Variants in DCDC1 observed in about 807,000 individuals in gnomAD.
DCDC1 encodes the protein doublecortin domain containing 1.
Under a neutral mutation model 178.3 loss-of-function variants are expected in DCDC1, and 200 were observed. That is an observed-to-expected ratio of 1.12 (90% CI 1.00 to 1.26). The LOEUF is 1.26. DCDC1 is among the 50% of genes most tolerant of loss of function. DCDC1 has a pLI of 0.00. For missense variants in DCDC1, 1,983 were observed against 1,749.2 expected (o/e 1.13, Z -2.38); for synonymous variants, 690 against 604.8 (o/e 1.14, Z -2.07).
intron 7 of DCDC1, among the ~76,000 whole-genome samples, chr11:31,280,064 G>A (rs1212232301): frequency 1.3e-5 from 2 of 152,070 alleles, no homozygotes; most frequent in Non-Finnish European, 2.9e-5. Flanking sequence ...TCTATAAAAT[G>A]TGAGAAGTGT....
intron 11 of DCDC1, among the ~76,000 whole-genome samples, chr11:31,117,522 A>C (rs554498658): frequency 1.8e-4 from 28 of 152,184 alleles, no homozygotes; most frequent in Admixed American, 1.5e-3. Context: ...GAGCAGAGGA[A>C]GGGCCAAAGG....
At chr11:31,303,935 C>T (rs1490770809) in intron 6 of DCDC1, among the ~76,000 whole-genome samples, 1 of 152,134 alleles carries the variant, frequency 6.6e-6, no homozygotes, top group East Asian at 1.9e-4. Flanking sequence ...GTTAAGCTTG[C>T]TGATCCAGCA....
intron 2 of DCDC1, among the ~76,000 whole-genome samples, chr11:31,331,655 G>A (rs1486185992): frequency 6.6e-6 from 1 of 152,084 alleles, no homozygotes; most frequent in Non-Finnish European, 1.5e-5. Flanking sequence ...TTTGTCTTTG[G>A]TTCTGTTTAT....
rs576452117 is a variant in DCDC1, at chr11:30,925,728, C to T, written c.2898-320G>A. Among the ~76,000 whole-genome samples the T allele has an allele frequency of 2.6e-5, 4 of 152,292 alleles. No homozygotes were observed. In the South Asian group the frequency reaches 8.3e-4, roughly 32 times the overall value. Reference sequence around the variant, plus strand: ...GACCAATAAATAGCTAGACACACTGCTATTGACTTTTAGTTCCTTGGTATG... The same window carrying T: ...GACCAATAAATAGCTAGACACACTGTTATTGACTTTTAGTTCCTTGGTATG... On this transcript the variant is annotated intron_variant, in intron 22 of 38. Transcript: ENST00000684477.
At position 31,329,106 on chromosome 11, in the gene DCDC1, T is replaced by C. The variant is rs551515177; in HGVS notation, c.-6-820A>G. On this transcript the variant is annotated intron_variant, in intron 2 of 38. Coordinates refer to ENST00000684477, the MANE Select transcript of DCDC1 (RefSeq NM_001387274.1). Reference sequence around the variant, plus strand: ...GCTAGCCAATCAAAATGCCCTATTCTCCCACATACAGAGATTGGTAAATCA... The same window carrying C: ...GCTAGCCAATCAAAATGCCCTATTCCCCCACATACAGAGATTGGTAAATCA... 3.9e-5 allele frequency among the ~76,000 whole-genome samples: 6 copies of C among 152,092 alleles called. No individual in the cohort carries two copies. In the East Asian group the frequency reaches 1.2e-3, roughly 29 times the overall value.
chr11:31,203,356 C>A (rs916642119), intron 9 of DCDC1, among the ~76,000 whole-genome samples: 1 of 152,058 alleles, frequency 6.6e-6, no homozygotes, highest in South Asian at 2.1e-4. Flanking sequence ...CCAGTCACCC[C>A]CTAGAACTGA....
chr11:30,994,975 A>G (rs909052833), intron 20 of DCDC1, among the ~76,000 whole-genome samples: 23 of 151,572 alleles, frequency 1.5e-4, no homozygotes, highest in Admixed American at 1.4e-3. Context: ...CAGGCTGGGA[A>G]GAAAGAAATA....
At chr11:31,153,801 C>CACACACACACACACACACAA (rs1965431428) in intron 9 of DCDC1, among the ~76,000 whole-genome samples, 1 of 149,352 alleles carries the variant, frequency 6.7e-6, no homozygotes, top group South Asian at 2.1e-4. Flanking sequence ...CACACACACA[C>CACACACACACACACACACAA]ACACACACAC....
intron 38 of DCDC1, among the ~76,000 whole-genome samples, chr11:30,867,440 C>A (rs1941098063): frequency 6.6e-6 from 1 of 152,200 alleles, no homozygotes; most frequent in South Asian, 2.1e-4. Flanking sequence ...ATGAGACAGA[C>A]AACATTTATG....
rs977886128 is a variant in DCDC1 at position 31,265,533 on chromosome 11, C to G, written c.1028G>C (p.Gly343Ala). The change falls in exon 8 of 39, where the codon GGC becomes GCC. Residue 343 changes from glycine to alanine, a missense_variant. Gly to Ala is a moderately conservative substitution (Grantham distance 60). Coordinates refer to ENST00000684477, the MANE Select transcript of DCDC1 (RefSeq NM_001387274.1). ...LPARYFYDLY[G>A]RKIEDISKVP... ...TTTTGAAATATCTTCAATTTTTCTG[C>G]CATACAAATCATAAAAATATCTGGC... The G allele has an allele frequency of 7.0e-7, 1 of 1,437,020 alleles. No homozygotes were observed. The highest frequency in any genetic ancestry group is 9.2e-7 in the Non-Finnish European group (1 of 1,087,602). The allele number at this position is 1,437,020 out of a possible 1,614,324, so 89.0% of individuals were successfully genotyped here. A position where few individuals can be genotyped will look rare whatever the true frequency, so the allele number is the denominator to read the frequency against.
chr11:31,072,721 C>T (rs1396372776), intron 18 of DCDC1, among the ~76,000 whole-genome samples: 2 of 152,158 alleles, frequency 1.3e-5, no homozygotes, highest in Non-Finnish European at 2.9e-5. Context: ...AAAGACTTAT[C>T]CAAGTAAAAA....
At chr11:31,251,938 G>T (rs1048123237) in intron 8 of DCDC1, among the ~76,000 whole-genome samples, 1 of 152,014 alleles carries the variant, frequency 6.6e-6, no homozygotes, top group African/African-American at 2.4e-5. Context: ...AGAGAAGTTG[G>T]GAATGAAGAA....
At chr11:31,353,290 T>C (rs1386935388) in intron 1 of DCDC1, among the ~76,000 whole-genome samples, 1 of 152,228 alleles carries the variant, frequency 6.6e-6, no homozygotes. Context: ...TTTTTCTATA[T>C]CTGAGCTAAC....
At chr11:31,046,792 G>GA (rs1379536460) in intron 20 of DCDC1, among the ~76,000 whole-genome samples, 1 of 151,984 alleles carries the variant, frequency 6.6e-6, no homozygotes, top group African/African-American at 2.4e-5. Context: ...TTTCTGTTAA[G>GA]ATATGACACA....
intron 20 of DCDC1, among the ~76,000 whole-genome samples, chr11:31,055,645 T>C (rs1050670368): frequency 6.6e-6 from 1 of 152,210 alleles, no homozygotes; most frequent in Non-Finnish European, 1.5e-5. Flanking sequence ...CTTTGGTTTA[T>C]TTATATGATG....
intron 20 of DCDC1, among the ~76,000 whole-genome samples, chr11:30,970,104 G>A (rs1949695301): frequency 6.6e-6 from 1 of 152,216 alleles, no homozygotes; most frequent in African/African-American, 2.4e-5. Context: ...AGGATCCCCA[G>A]TGTGGGGAAA....
chr11:31,233,274 T>C (rs1301655740), intron 9 of DCDC1, among the ~76,000 whole-genome samples: 2 of 152,196 alleles, frequency 1.3e-5, no homozygotes, highest in African/African-American at 2.4e-5. Flanking sequence ...ACATAGAATC[T>C]GTATCACATA....
intron 9 of DCDC1, among the ~76,000 whole-genome samples, chr11:31,192,349 T>C (rs1375463090): frequency 2.0e-5 from 3 of 152,112 alleles, no homozygotes; most frequent in Admixed American, 6.6e-5. Context: ...CAAGGACCTA[T>C]TGACCCAATG....
chr11:31,334,845 G>A (rs138255974), intron 2 of DCDC1, among the ~76,000 whole-genome samples: 7 of 152,172 alleles, frequency 4.6e-5, no homozygotes, highest in Admixed American at 1.3e-4. Flanking sequence ...TCCCAGTTAG[G>A]GTACAAGGGG....
Sources: gnomAD v4.1 joint callset for allele counts (sites outside exome capture counted in the v4.1 genomes callset) on GRCh38, gnomAD v4.1.1 for gene constraint, MANE v1.5 for transcripts, NCBI Gene and HGNC (gene_info 2026-07-23, HGNC 2026-07-21) for gene names.